Variants in LARP1 observed in about 807,000 individuals in gnomAD.
The protein encoded by LARP1 is La ribonucleoprotein 1, translational regulator, also known as la-related protein 1.
LARP1 carries 36 observed loss-of-function variants against 122.7 expected under a neutral mutation model. The ratio of observed to expected loss-of-function variants is 0.29; its 90% CI spans 0.22 to 0.39. The LOEUF is 0.39. LARP1 is among the 10% of genes least tolerant of loss of function. LARP1 has a pLI of 1.00. For synonymous variants in LARP1, 539 were observed against 528.7 expected, an observed-to-expected ratio of 1.02 and a Z score of -0.27; for missense variants, 1,040 against 1,403.6, an observed-to-expected ratio of 0.74 and a Z score of 4.14.
chr5:154,788,938 G>A (rs374251219), intron 1 of LARP1, among the ~76,000 whole-genome samples: 4 of 152,118 alleles, frequency 2.6e-5, no homozygotes, highest in Admixed American at 1.3e-4. Context: ...TTAGCCAGGC[G>A]TAGTGGCTGA....
rs1340447541 is a variant in LARP1 at position 154,755,723 on chromosome 5, G to T, written c.-35G>T. The T allele has an allele frequency of 1.5e-5, 15 of 987,658 alleles. No individual in the cohort carries two copies. The Admixed American group carries it at 8.0e-4, about 53-fold the overall frequency. 61.2% of individuals were successfully genotyped at this position (987,658 alleles called of 1,614,324 possible). ...TTCGAGGCGGGGGAGGCAGCCTCGG[G>T]CGCGCCCGGCTTCTCCGGGGGGGCG... On this transcript the variant is annotated 5_prime_UTR_variant, in exon 1 of 19. Coordinates refer to ENST00000518297, the MANE Select transcript of LARP1 (RefSeq NM_033551.3).
chr5:154,684,432 TCACA>T, intron 1 of LARP1, among the ~76,000 whole-genome samples: 1 of 152,026 alleles, frequency 6.6e-6, no homozygotes, highest in Non-Finnish European at 1.5e-5. Flanking sequence ...TGAGACCCTT[TCACA>T]CACACACACA....
chr5:154,691,142 G>C (rs1329952994), intron 1 of LARP1, among the ~76,000 whole-genome samples: 1 of 151,686 alleles, frequency 6.6e-6, no homozygotes, highest in African/African-American at 2.4e-5. Context: ...GGCGCCTGTA[G>C]TCCCAGCTAC....
At chr5:154,788,077 G>GCA (rs1160044067) in intron 1 of LARP1, among the ~76,000 whole-genome samples, 1 of 152,210 alleles carries the variant, frequency 6.6e-6, no homozygotes, top group Non-Finnish European at 1.5e-5. Context: ...CTGGTAGCTT[G>GCA]CACACAGTGT....
intron 1 of LARP1, among the ~76,000 whole-genome samples, chr5:154,766,842 C>T (rs565714684): frequency 1.3e-5 from 2 of 152,348 alleles, no homozygotes; most frequent in East Asian, 3.9e-4. Context: ...GTTGTCAGCA[C>T]TGTCTCCATT....
chr5:154,753,167 G>A (rs1753594714), upstream of LARP1, among the ~76,000 whole-genome samples: 1 of 152,098 alleles, frequency 6.6e-6, no homozygotes, highest in Admixed American at 6.5e-5. Flanking sequence ...TCAGGGGAGG[G>A]TACTTCTCTA....
intron 10 of LARP1, among the ~76,000 whole-genome samples, 172 bp from the exon 11 acceptor site, chr5:154,801,835 A>G (rs1361979793): frequency 6.6e-6 from 1 of 151,980 alleles, no homozygotes; most frequent in Non-Finnish European, 1.5e-5. Flanking sequence ...ATCCTTTCTC[A>G]TAGTCATAAA....
intron 1 of LARP1, among the ~76,000 whole-genome samples, chr5:154,695,253 A>G (rs988704173): frequency 6.6e-6 from 1 of 152,078 alleles, no homozygotes; most frequent in Admixed American, 6.6e-5. Flanking sequence ...CGGAGCTTGC[A>G]GTAAGCAGAG....
At chr5:154,758,878 C>T (rs922383447) in intron 1 of LARP1, among the ~76,000 whole-genome samples, 5 of 152,156 alleles carry the variant, frequency 3.3e-5, no homozygotes, top group Non-Finnish European at 7.4e-5. Flanking sequence ...CTGGTTTAAG[C>T]GTCCAAGTCT....
intron 1 of LARP1, among the ~76,000 whole-genome samples, chr5:154,685,069 C>T (rs1753861660): frequency 1.3e-5 from 2 of 152,118 alleles, no homozygotes; most frequent in Non-Finnish European, 2.9e-5. Flanking sequence ...CATGGTGAAA[C>T]TTCGTCTCTA....
chr5:154,798,585 G>A (rs900646575), intron 8 of LARP1, among the ~76,000 whole-genome samples: 1 of 151,840 alleles, frequency 6.6e-6, no homozygotes, highest in East Asian at 1.9e-4. Flanking sequence ...TAGTACAGTG[G>A]TGTTATCAAA....
At chr5:154,717,552 G>C (rs1427576588) in intron 1 of LARP1, among the ~76,000 whole-genome samples, 3 of 152,124 alleles carry the variant, frequency 2.0e-5, no homozygotes, top group Non-Finnish European at 4.4e-5. Context: ...GCTAATCTGA[G>C]TCCATGTAAA....
At chr5:154,763,560 T>C (rs907900447) in intron 1 of LARP1, among the ~76,000 whole-genome samples, 7 of 151,176 alleles carry the variant, frequency 4.6e-5, no homozygotes, top group African/African-American at 1.7e-4. Flanking sequence ...GGTAGGATCA[T>C]GTGAGCCCAG....
intron 1 of LARP1, among the ~76,000 whole-genome samples, chr5:154,784,476 T>C (rs1010089304): frequency 1.3e-5 from 2 of 152,152 alleles, no homozygotes; most frequent in Non-Finnish European, 2.9e-5. Context: ...AGTTCTTAGC[T>C]CTCTGGTAAA....
intron 1 of LARP1, among the ~76,000 whole-genome samples, chr5:154,718,142 A>G (rs72797583): frequency 0.41 from 62,626 of 151,796 alleles, 14,958 homozygotes; most frequent in Non-Finnish European, 0.56. Flanking sequence ...GCCTGGTCTC[A>G]AATTCCTCGT....
At chr5:154,731,844 A>G (rs1321167754) in intron 1 of LARP1, among the ~76,000 whole-genome samples, 1 of 151,984 alleles carries the variant, frequency 6.6e-6, no homozygotes, top group South Asian at 2.1e-4. Context: ...CCTGGCCAAC[A>G]TGGTGAAACG....
intron 1 of LARP1, among the ~76,000 whole-genome samples, chr5:154,769,263 G>T (rs546722266): frequency 3.2e-4 from 49 of 152,348 alleles, no homozygotes; most frequent in African/African-American, 1.1e-3. Context: ...TGATGGCAGG[G>T]CCCAGCCTCC....
In LARP1 at chr5:154,756,021, C is replaced by G; in HGVS notation, c.264C>G (p.Ala88=). The G allele has an allele frequency of 9.6e-7, 1 of 1,038,078 alleles. No individual in the cohort carries two copies. The highest frequency in any genetic ancestry group is 1.2e-6 in the Non-Finnish European group (1 of 863,858). The allele number at this position is 1,038,078 out of a possible 1,614,324, so 64.3% of individuals were successfully genotyped here. A position where few individuals can be genotyped will look rare whatever the true frequency, so the allele number is the denominator to read the frequency against. The change falls in exon 1 of 19, where the codon GCC becomes GCG. Residue 88 remains alanine (A), a synonymous_variant. Transcript: ENST00000518297. Reference sequence around the variant, plus strand: ...AGCTGCCCGGCGCCGAAGGCCCGGCCATCAGCGACGGGGAGGAGGGCGGCG... The same window carrying G: ...AGCTGCCCGGCGCCGAAGGCCCGGCGATCAGCGACGGGGAGGAGGGCGGCG... The part of the protein sequence containing the change: ...PLQLPGAEGP[A]ISDGEEGGGE...
chr5:154,732,020 GA>G (rs34082968), intron 1 of LARP1, among the ~76,000 whole-genome samples: 52,641 of 134,944 alleles, frequency 0.39, 10,415 homozygotes, highest in East Asian at 0.87. Flanking sequence ...GACTCCGTCT[GA>G]AAAAAAAAAA....
Sources: gnomAD v4.1 joint callset for allele counts (sites outside exome capture counted in the v4.1 genomes callset) on GRCh38, gnomAD v4.1.1 for gene constraint, MANE v1.5 for transcripts, NCBI Gene and HGNC (gene_info 2026-07-23, HGNC 2026-07-21) for gene names.